Variants in ADAMTS2 observed in about 807,000 individuals in gnomAD.
The protein encoded by ADAMTS2 is ADAM metallopeptidase with thrombospondin type 1 motif 2.
ADAMTS2 carries 50 observed loss-of-function variants against 123.0 expected under a neutral mutation model. The ratio of observed to expected loss-of-function variants is 0.41; its 90% CI spans 0.32 to 0.51. The LOEUF is 0.51. ADAMTS2 is among the 20% of genes least tolerant of loss of function. The probability of loss-of-function intolerance (pLI) is 0.35; values close to 1 mark genes in which losing one functional copy is unlikely to be tolerated. For synonymous variants in ADAMTS2, 678 were observed against 695.4 expected, an observed-to-expected ratio of 0.98 and a Z score of 0.39; for missense variants, 1,494 against 1,705.2, an observed-to-expected ratio of 0.88 and a Z score of 2.18.
chr5:179,336,204 C>T (rs1010906480), intron 2 of ADAMTS2, among the ~76,000 whole-genome samples: 47 of 152,338 alleles, frequency 3.1e-4, no homozygotes, highest in African/African-American at 1.0e-3. Flanking sequence ...GGCCACGACA[C>T]TTCCAACGCA....
intron 3 of ADAMTS2, among the ~76,000 whole-genome samples, chr5:179,235,768 G>C (rs1289014451): frequency 6.6e-6 from 1 of 152,206 alleles, no homozygotes; most frequent in South Asian, 2.1e-4. Flanking sequence ...CTGTTGCTGG[G>C]CCCCCATGAA....
chr5:179,243,989 A>G (rs952595006), intron 3 of ADAMTS2, among the ~76,000 whole-genome samples: 3 of 152,214 alleles, frequency 2.0e-5, no homozygotes, highest in Non-Finnish European at 4.4e-5. Flanking sequence ...CAGGGAAAAA[A>G]GAATGAAGAA....
intron 4 of ADAMTS2, among the ~76,000 whole-genome samples, chr5:179,201,998 A>G (rs1190244915): frequency 6.6e-6 from 1 of 152,160 alleles, no homozygotes; most frequent in Non-Finnish European, 1.5e-5. Context: ...GAAGTGCTCC[A>G]TTTCCAAGCC....
intron 3 of ADAMTS2, among the ~76,000 whole-genome samples, chr5:179,221,560 T>G (rs981103975): frequency 2.0e-5 from 3 of 152,148 alleles, no homozygotes; most frequent in Admixed American, 2.0e-4. Context: ...TCCCCCATGC[T>G]GGGGGTGGAA....
At chr5:179,122,904 T>C in intron 19 of ADAMTS2, 131 bp from the exon 20 acceptor site, 3 of 1,436,868 alleles carry the variant, frequency 2.1e-6, no homozygotes, top group Admixed American at 4.0e-5. Flanking sequence ...GTGGGGAGAG[T>C]GGGGTTTCAG....
At chr5:179,157,998 A>T (rs989269346) in intron 6 of ADAMTS2, among the ~76,000 whole-genome samples, 1 of 149,960 alleles carries the variant, frequency 6.7e-6, no homozygotes, top group Non-Finnish European at 1.5e-5. Context: ...AGAGTCTCGC[A>T]CTGTCTCCCA....
chr5:179,247,405 C>CA (rs36083986), intron 3 of ADAMTS2, among the ~76,000 whole-genome samples: 25,940 of 151,778 alleles, frequency 0.17, 2,983 homozygotes, highest in Non-Finnish European at 0.25. Flanking sequence ...CACCAAAATA[C>CA]AAAAAATGAG....
Position 179,317,016 on chromosome 5 carries a change from G to A in ADAMTS2, c.534+26751C>T, listed in dbSNP as rs1378329784. On this transcript the variant is annotated intron_variant, in intron 2 of 21. Transcript: ENST00000251582. This position sits in a 1 kb window ranked among gnomAD's most constrained non-coding sequence, Gnocchi z 4.9. ...GGATGGAAAGAAGAGAGGAAAGGAA[G>A]GAAAGGATAGGGAAAGAACAAAAGA... is the stretch of plus-strand genomic sequence containing the variant. Among the ~76,000 whole-genome samples, 1 of 152,048 alleles carries A rather than the reference G, an allele frequency of 6.6e-6. No individual in the cohort carries two copies. Among genetic ancestry groups the A allele is most frequent in the East Asian group, 1.9e-4 (1 of 5,190 alleles).
At chr5:179,263,089 G>A (rs1426903595) in intron 3 of ADAMTS2, among the ~76,000 whole-genome samples, 3 of 125,224 alleles carry the variant, frequency 2.4e-5, no homozygotes, top group Non-Finnish European at 5.0e-5. Context: ...ATGATTTGGG[G>A]AGCAGCATTA....
chr5:179,122,494 T>C (rs1762780160), intron 20 of ADAMTS2, 150 bp downstream of exon 20: 24 of 1,198,774 alleles, frequency 2.0e-5, no homozygotes, highest in Non-Finnish European at 2.7e-5. Flanking sequence ...GTCCCAGACC[T>C]GGCCTGCAGT....
rs1202762879 is a variant in ADAMTS2 at position 179,312,354 on chromosome 5, T to C, written c.534+31413A>G. Among the ~76,000 whole-genome samples the C allele has an allele frequency of 6.6e-6, 1 of 152,068 alleles. No individual in the cohort carries two copies. Among genetic ancestry groups the C allele is most frequent in the African/African-American group, 2.4e-5 (1 of 41,376 alleles). ...GTGGGGCCTTTGGGAGGTGATTATGTCACCAGATTCCATCCACACGAATGG... is the reference window on the plus strand; with the variant it reads ...GTGGGGCCTTTGGGAGGTGATTATGCCACCAGATTCCATCCACACGAATGG... On this transcript the variant is annotated intron_variant, in intron 2 of 21. Coordinates refer to ENST00000251582, the MANE Select transcript of ADAMTS2 (RefSeq NM_014244.5). This position sits in a 1 kb window ranked among gnomAD's most constrained non-coding sequence, Gnocchi z 4.2.
At chr5:179,174,541 A>G (rs1763892076) in intron 5 of ADAMTS2, among the ~76,000 whole-genome samples, 1 of 152,198 alleles carries the variant, frequency 6.6e-6, no homozygotes. Context: ...GTCACATGAT[A>G]ATTTAATTTC....
rs149253571 is a variant in ADAMTS2, at chr5:179,158,871, G to C, written c.984C>G (p.Ser328Arg). 1.2e-6 allele frequency: 2 copies of C among 1,614,076 alleles called. No individual in the cohort carries two copies. The highest frequency in any genetic ancestry group is 1.7e-6 in the Non-Finnish European group (2 of 1,180,034). ...IILLSYGKSM[S>R]LIEIGNPSQS... ...GAGAGGGGTTCCCGATCTCGATGAG[G>C]CTCATGGACTGCAGGGGGATGGAGA... The change falls in exon 6 of 22, where the codon AGC (serine) becomes AGG (arginine). Residue 328 changes from serine (S) to arginine (R), a missense_variant. Ser to Arg is a moderately radical substitution (Grantham distance 110). This residue lies in a region of ADAMTS2 where 70 missense variants were observed against 85.3 expected (regional missense o/e 0.82). Transcript: ENST00000251582. This position sits in a 1 kb window ranked among gnomAD's most constrained non-coding sequence, Gnocchi z 5.0.
Position 179,132,165 on chromosome 5 carries a change from T to C in ADAMTS2, c.2290+65A>G. The C allele has an allele frequency of 6.6e-7, 1 of 1,521,528 alleles. No homozygotes were observed. Among genetic ancestry groups the C allele is most frequent in the Non-Finnish European group, 9.1e-7 (1 of 1,100,498 alleles). The allele number at this position is 1,521,528 out of a possible 1,614,324, so 94.3% of individuals were successfully genotyped here. ...GCCCCTGACCCCTGACCCCTGGCAC[T>C]CTGCCCATTGATCCCAGAGGAGCCA... On this transcript the variant is annotated intron_variant, in intron 15 of 21. Transcript: ENST00000251582. The surrounding 1 kb of genome is among the most constrained non-coding windows in gnomAD (Gnocchi z 6.1).
intron 3 of ADAMTS2, among the ~76,000 whole-genome samples, chr5:179,244,328 TCTC>T (rs34012823): frequency 0.15 from 22,879 of 152,116 alleles, 2,320 homozygotes; most frequent in Non-Finnish European, 0.21. Context: ...CCAGCCGACT[TCTC>T]CTAATAATGG....
chr5:179,217,399 G>GA (rs963624930), intron 3 of ADAMTS2, among the ~76,000 whole-genome samples: 8 of 152,356 alleles, frequency 5.3e-5, no homozygotes, highest in African/African-American at 1.9e-4. Flanking sequence ...CACTGCAGGA[G>GA]AAAATCAGAA....
At position 179,158,948 on chromosome 5, in the gene ADAMTS2, G is replaced by T. The variant is rs375444940; in HGVS notation, c.976-69C>A. On this transcript the variant is annotated intron_variant, in intron 5 of 21. Transcript: ENST00000251582. This position sits in a 1 kb window ranked among gnomAD's most constrained non-coding sequence, Gnocchi z 5.0. ...GGTGGCCCAGTGGGGGGCCGAGCAGGCTGTAGTGTTGACAGACCCCATCCA... is the reference window on the plus strand; with the variant it reads ...GGTGGCCCAGTGGGGGGCCGAGCAGTCTGTAGTGTTGACAGACCCCATCCA... The T allele has an allele frequency of 2.0e-4, 309 of 1,568,272 alleles. 2 individuals carry two copies. The East Asian group carries it at 5.3e-3, about 27-fold the overall frequency.
rs1581278094 is a variant in ADAMTS2 at position 179,326,134 on chromosome 5, T to C, written c.534+17633A>G. On this transcript the variant is annotated intron_variant, in intron 2 of 21. Transcript: ENST00000251582. ...CTTCTCCCATTCCAGACTGGAAATC[T>C]TTTCCGCATCTTGACTAATTGTTTT... Among the ~76,000 whole-genome samples, 6 of 152,336 alleles carry C rather than the reference T, an allele frequency of 3.9e-5. No individual in the cohort carries two copies. In the South Asian group the frequency reaches 8.3e-4, roughly 21 times the overall value.
At chr5:179,315,732 C>T (rs1359448907) in intron 2 of ADAMTS2, among the ~76,000 whole-genome samples, 2 of 152,210 alleles carry the variant, frequency 1.3e-5, no homozygotes, top group African/African-American at 2.4e-5. Flanking sequence ...CCCCCAGGAG[C>T]TGCTGAGCAC....
Sources: gnomAD v4.1 joint callset for allele counts (sites outside exome capture counted in the v4.1 genomes callset) on GRCh38, gnomAD v4.1.1 for gene constraint, gnomAD v4.1.1 regional missense constraint, Gnocchi (gnomAD v3.1) non-coding constraint, MANE v1.5 for transcripts, NCBI Gene and HGNC (gene_info 2026-07-23, HGNC 2026-07-21) for gene names.